CATSPER2: variants seen among roughly 807,000 people sequenced by gnomAD.
CATSPER2 encodes the protein cation channel sperm associated 2.
Under a neutral mutation model 68.8 loss-of-function variants are expected in CATSPER2, and 56 were observed. The ratio of observed to expected loss-of-function variants is 0.81; its 90% CI spans 0.66 to 1.02. The LOEUF (loss-of-function observed/expected upper bound fraction) is 1.02, where lower values mean the gene tolerates loss of function less well. Among genes scored for constraint, CATSPER2 ranks in the 50% least tolerant of loss-of-function variants. CATSPER2 has a pLI of 0.00. For missense variants in CATSPER2, 582 were observed against 642.0 expected, an observed-to-expected ratio of 0.91 and a Z score of 1.01; for synonymous variants, 198 against 229.9, an observed-to-expected ratio of 0.86 and a Z score of 1.26.
intron 4 of CATSPER2, among the ~76,000 whole-genome samples, chr15:43,643,745 A>G (rs1414719856): frequency 1.3e-5 from 2 of 152,076 alleles, no homozygotes. Context: ...AAAACTTTAT[A>G]TAGCACATCA....
chr15:43,648,684 C>CT lies in CATSPER2; in HGVS notation c.-59dup. ...CCTTATTTCACGCTTCCGCCTCCAG[C>CT]TCAGGTGCCCCGAGCCTGGCTACCC... On this transcript the variant is annotated 5_prime_UTR_variant, in exon 1 of 13. Transcript: ENST00000396879. 2 of 1,444,434 alleles carry CT rather than the reference C, an allele frequency of 1.4e-6. No individual in the cohort carries two copies. Among genetic ancestry groups the CT allele is most frequent in the African/African-American group, 1.5e-5 (1 of 68,688 alleles). 89.5% of individuals were successfully genotyped at this position (1,444,434 alleles called of 1,614,324 possible).
intron 7 of CATSPER2, among the ~76,000 whole-genome samples, chr15:43,636,634 G>A (rs2085969737): frequency 6.6e-6 from 1 of 151,546 alleles, no homozygotes; most frequent in Non-Finnish European, 1.5e-5. Context: ...AAGGTGATCT[G>A]CCAGTCTCAG....
intron 4 of CATSPER2, 145 bp downstream of exon 4, chr15:43,646,904 AC>A: frequency 4.2e-6 from 3 of 720,372 alleles, no homozygotes. Context: ...TTTAGTAGAG[AC>A]AGGGTTTCAC....
Position 43,636,041 on chromosome 15 carries a change from C to A in CATSPER2, c.1021G>T (p.Val341Phe), listed in dbSNP as rs1047096342. Residue 341 changes from valine (V) to phenylalanine (F), a missense_variant and splice_region_variant, in exon 8 of 13, where the codon GTT becomes TTT. Transcript: ENST00000396879. ...CAAGTTTCACCTCCTCTATGCTTACCCATCATGGCTACTATGATACTTCGA... is the reference window on the plus strand; with the variant it reads ...CAAGTTTCACCTCCTCTATGCTTACACATCATGGCTACTATGATACTTCGA... Reference protein sequence around the residue: ...IFRSIIVAMMVTNFQNIRKEL... With the variant: ...IFRSIIVAMMFTNFQNIRKEL... 2 of 1,543,256 alleles carry A rather than the reference C, an allele frequency of 1.3e-6. No homozygotes were observed. The highest frequency in any genetic ancestry group is 1.4e-5 in the African/African-American group (1 of 73,078).
intron 1 of CATSPER2, 68 bp downstream of exon 1, chr15:43,648,561 T>G (rs2086216588): frequency 7.6e-7 from 1 of 1,315,984 alleles, no homozygotes. Flanking sequence ...CCGTCCCAAG[T>G]GTGTCCACTC....
intron 11 of CATSPER2, 176 bp downstream of exon 11, chr15:43,632,541 C>A: frequency 6.9e-7 from 1 of 1,446,670 alleles, no homozygotes; most frequent in South Asian, 1.2e-5. Context: ...GCCACAGCCA[C>A]ACTTACCCGA....
intron 9 of CATSPER2, 145 bp from the exon 10 acceptor site, chr15:43,635,561 C>T: frequency 2.8e-6 from 3 of 1,083,906 alleles, no homozygotes; most frequent in Non-Finnish European, 4.2e-6. Flanking sequence ...GGAGGACACC[C>T]CACAGTGGAT....
chr15:43,645,221 AAC>A (rs2086142225), intron 4 of CATSPER2, among the ~76,000 whole-genome samples: 1 of 151,308 alleles, frequency 6.6e-6, no homozygotes, highest in Non-Finnish European at 1.5e-5. Flanking sequence ...ACACCTAGCT[AAC>A]TTTTGTATTT....
chr15:43,630,972 T>A (rs112662568), intron 12 of CATSPER2, among the ~76,000 whole-genome samples: 1 of 151,896 alleles, frequency 6.6e-6, no homozygotes. Context: ...AAGTGGGAAG[T>A]CAGGGCTAAG....
In CATSPER2 at chr15:43,648,191, A is replaced by G. The variant is rs1380185876; in HGVS notation, c.-2-128T>C. 2.7e-6 allele frequency: 3 copies of G among 1,106,212 alleles called. No homozygotes were observed. The African/African-American group carries it at 4.6e-5, about 17-fold the overall frequency. 68.5% of individuals were successfully genotyped at this position (1,106,212 alleles called of 1,614,324 possible). ...TTCCTTAATGTACCCACATCTACGA[A>G]CTAGGAGCAGTTGGGAAGAACAAAC... On this transcript the variant is annotated intron_variant, in intron 1 of 12. Coordinates refer to ENST00000396879, the MANE Select transcript of CATSPER2 (RefSeq NM_172095.4).
intron 4 of CATSPER2, among the ~76,000 whole-genome samples, chr15:43,644,166 T>A (rs1367334429): frequency 6.6e-6 from 1 of 152,034 alleles, no homozygotes; most frequent in Non-Finnish European, 1.5e-5. Context: ...GAAGCAGATT[T>A]TTTTAAAGCC....
chr15:43,632,771 A>T lies in CATSPER2; in HGVS notation c.1342T>A (p.Ser448Thr), dbSNP rs146674703. The T allele has an allele frequency of 3.4e-5, 55 of 1,613,586 alleles. 1 individual carries two copies. The highest frequency in any genetic ancestry group is 3.0e-4 in the South Asian group (27 of 91,038). Reference sequence around the variant, plus strand: ...GAGGAAGAATAGGAAGAGGATGTGGAGGAGACACAGGAGGAAGACTGGTAC... The same window carrying T: ...GAGGAAGAATAGGAAGAGGATGTGGTGGAGACACAGGAGGAAGACTGGTAC... ...REYQSSSCVS[S>T]TSSSYSSSSE... Residue 448 changes from serine (S) to threonine (T), a missense_variant, in exon 11 of 13, where the codon TCC becomes ACC. By Grantham distance (58) the Ser-to-Thr change is moderately conservative. This residue lies in a region of CATSPER2 where 235 missense variants were observed against 264.2 expected (regional missense o/e 0.89). Coordinates refer to ENST00000396879, the MANE Select transcript of CATSPER2 (RefSeq NM_172095.4).
intron 4 of CATSPER2, among the ~76,000 whole-genome samples, chr15:43,644,590 T>C (rs1262149566): frequency 6.6e-6 from 1 of 151,920 alleles, no homozygotes; most frequent in Non-Finnish European, 1.5e-5. Context: ...GAGTGAGCAT[T>C]ACCGCCTGAG....
At chr15:43,648,299 C>A (rs1371538441) in intron 1 of CATSPER2, among the ~76,000 whole-genome samples, 1 of 151,968 alleles carries the variant, frequency 6.6e-6, no homozygotes, top group Non-Finnish European at 1.5e-5. Context: ...GGCCAGGCAT[C>A]TTCACTTTGT....
Position 43,640,468 on chromosome 15 carries a change from T to C in CATSPER2, c.417A>G (p.Leu139=), listed in dbSNP as rs776494497. The change falls in exon 5 of 13, where the codon CTA becomes CTG. Residue 139 remains leucine, a synonymous_variant. Coordinates refer to ENST00000396879, the MANE Select transcript of CATSPER2 (RefSeq NM_172095.4). The part of the protein sequence containing the change: ...IELLESTNTK[L]WPLKLTLEVA... The stretch of plus-strand genomic sequence containing the variant: ...CCTCCAAGGTCAGCTTCAATGGCCA[T>C]AGTTTGGTATTTGTGGATTCCAGCA... The C allele has an allele frequency of 8.7e-6, 14 of 1,609,300 alleles. No individual in the cohort carries two copies. Among genetic ancestry groups the C allele is most frequent in the Middle Eastern group, 3.3e-4 (2 of 6,044 alleles).
Position 43,632,197 on chromosome 15 carries a change from A to C in CATSPER2, c.1561+2T>G, listed in dbSNP as rs1567124957. 1.4e-5 allele frequency: 22 copies of C among 1,613,284 alleles called. No individual in the cohort carries two copies. Among genetic ancestry groups the C allele is most frequent in the Non-Finnish European group, 1.9e-5 (22 of 1,179,470 alleles). On this transcript the variant is annotated splice_donor_variant, in intron 12 of 12. Transcript: ENST00000396879. LOFTEE classifies it high-confidence loss of function. ...GTCCCCATGACTGCCCTAACTCCAT[A>C]CCTGCAAACTCTTGTAACTTCTTAC... is the stretch of plus-strand genomic sequence containing the variant.
rs1055921209 is a variant in CATSPER2, at chr15:43,633,123, C to G, written c.1179-189G>C. On this transcript the variant is annotated intron_variant, in intron 10 of 12. Coordinates refer to ENST00000396879, the MANE Select transcript of CATSPER2 (RefSeq NM_172095.4). ...ATGTGTCATCCTTAACTCTTCTCTC[C>G]CCTCCCATATCCAGTCCATCAAGAA... 6.5e-6 allele frequency: 6 copies of G among 916,906 alleles called. No individual in the cohort carries two copies. In the African/African-American group the frequency reaches 6.9e-5, roughly 11 times the overall value. 56.8% of individuals were successfully genotyped at this position (916,906 alleles called of 1,614,324 possible). A position where few individuals can be genotyped will look rare whatever the true frequency, so the allele number is the denominator to read the frequency against.
At position 43,648,834 on chromosome 15, in the gene CATSPER2, TGCG is replaced by T. The variant is rs1220012220; in HGVS notation, c.-211_-209del. The T allele has an allele frequency of 6.5e-7, 1 of 1,529,118 alleles. No homozygotes were observed. Among genetic ancestry groups the T allele is most frequent in the Non-Finnish European group, 8.8e-7 (1 of 1,142,366 alleles). 94.7% of individuals were successfully genotyped at this position (1,529,118 alleles called of 1,614,324 possible). A position where few individuals can be genotyped will look rare whatever the true frequency, so the allele number is the denominator to read the frequency against. The stretch of plus-strand genomic sequence containing the variant: ...AGCCCCTACCCACAGCCCAGGACCA[TGCG>T]GAGCAACGCTCGCCCAGCCACTCGC... On this transcript the variant is annotated 5_prime_UTR_variant, in exon 1 of 13. Transcript: ENST00000396879.
In CATSPER2 at chr15:43,630,428, C is replaced by T. The variant is rs1326400319; in HGVS notation, c.*273G>A. 19 of 517,818 alleles carry T rather than the reference C, an allele frequency of 3.7e-5. No homozygotes were observed. The highest frequency in any genetic ancestry group is 1.3e-4 in the Admixed American group (4 of 30,636). 32.1% of individuals were successfully genotyped at this position (517,818 alleles called of 1,614,324 possible). ...GGAGTGCAGTGGTGCAATCTTGGCT[C>T]ACTGCAACCTCTGACTCCCAGGTTC... On this transcript the variant is annotated 3_prime_UTR_variant, in exon 13 of 13. Coordinates refer to ENST00000396879, the MANE Select transcript of CATSPER2 (RefSeq NM_172095.4).
Sources: gnomAD v4.1 joint callset for allele counts (sites outside exome capture counted in the v4.1 genomes callset) on GRCh38, gnomAD v4.1.1 for gene constraint, gnomAD v4.1.1 regional missense constraint, MANE v1.5 for transcripts, NCBI Gene and HGNC (gene_info 2026-07-23, HGNC 2026-07-21) for gene names.